The following WDHD1 variants were observed in gnomAD, a reference collection of about 807,000 sequenced individuals.
WDHD1 encodes WD repeat and HMG-box DNA binding protein 1.
In WDHD1, 111 loss-of-function variants were observed where a neutral mutation model predicts 135.4. The ratio of observed to expected loss-of-function variants is 0.82; its 90% CI spans 0.70 to 0.96. The LOEUF (loss-of-function observed/expected upper bound fraction) is 0.96, where lower values mean the gene tolerates loss of function less well. WDHD1 is among the 40% of genes least tolerant of loss of function. The probability of loss-of-function intolerance (pLI) is 0.00; values close to 1 mark genes in which losing one functional copy is unlikely to be tolerated. For synonymous variants in WDHD1, 434 were observed against 439.0 expected, an observed-to-expected ratio of 0.99 and a Z score of 0.14; for missense variants, 1,351 against 1,336.3, an observed-to-expected ratio of 1.01 and a Z score of -0.17.
At chr14:54,963,799 C>CAAAAAA (rs34281869) in intron 18 of WDHD1, among the ~76,000 whole-genome samples, 1 of 83,014 alleles carries the variant, frequency 1.2e-5, no homozygotes, top group Non-Finnish European at 2.4e-5. Flanking sequence ...GACTCTGTCT[C>CAAAAAA]AAAAAAAAAA....
chr14:55,025,358 G>A (rs868021675), intron 2 of WDHD1, among the ~76,000 whole-genome samples: 17 of 151,236 alleles, frequency 1.1e-4, no homozygotes, highest in Middle Eastern at 6.8e-3. Flanking sequence ...AGAGGCTGGC[G>A]GGATCCTCCA....
intron 7 of WDHD1, chr14:55,005,331 G>T: frequency 1.8e-6 from 1 of 557,552 alleles, no homozygotes; most frequent in Non-Finnish European, 3.5e-6. Flanking sequence ...ATAAGAAGCT[G>T]TGGCTCCTAA....
At chr14:55,008,848 T>G in intron 4 of WDHD1, 129 bp from the exon 5 acceptor site, 3 of 653,378 alleles carry the variant, frequency 4.6e-6, no homozygotes. Flanking sequence ...TCACCCAGGC[T>G]GGAGTGCAGT....
rs1237232706 is a variant in WDHD1 at position 55,007,299 on chromosome 14, C to G, written c.581G>C (p.Trp194Ser). The change falls in exon 7 of 26, where the codon TGG (tryptophan) becomes TCG (serine). Residue 194 changes from tryptophan (W) to serine (S), a missense_variant. Physicochemically the swap from Trp to Ser is radical, Grantham distance 177. Around this residue, in one of 2 missense-constraint regions of WDHD1, gnomAD observed 1,330 missense variants for 1,296.1 expected, o/e 1.03. Coordinates refer to ENST00000360586, the MANE Select transcript of WDHD1 (RefSeq NM_007086.4). ...ACTTACCTTCCCACTTTTTGGCTGC[C>G]AAGCAAGTCTGCAGATTGATTTTGC... ...INAKSICRLA[W>S]QPKSGKLLAI... The G allele has an allele frequency of 6.3e-7, 1 of 1,593,468 alleles. No individual in the cohort carries two copies. The highest frequency in any genetic ancestry group is 8.5e-7 in the Non-Finnish European group (1 of 1,174,394).
At chr14:54,943,238 T>C (rs2040866724) in intron 25 of WDHD1, among the ~76,000 whole-genome samples, 1 of 152,218 alleles carries the variant, frequency 6.6e-6, no homozygotes, top group Non-Finnish European at 1.5e-5. Context: ...CCACCTGTCC[T>C]AATTTCCATG....
intron 2 of WDHD1, among the ~76,000 whole-genome samples, chr14:55,019,370 T>C (rs1332270024): frequency 1.3e-5 from 2 of 152,238 alleles, no homozygotes; most frequent in Non-Finnish European, 2.9e-5. Context: ...ATACCTTTGT[T>C]TCAAATTTTC....
At chr14:54,957,914 A>G (rs972923219) in intron 21 of WDHD1, among the ~76,000 whole-genome samples, 11 of 152,288 alleles carry the variant, frequency 7.2e-5, no homozygotes, top group Middle Eastern at 3.4e-3. Context: ...CGTCTGAGCT[A>G]AGGTTAGTAA....
At chr14:55,010,063 C>T (rs1461853345) in intron 4 of WDHD1, among the ~76,000 whole-genome samples, 1 of 152,292 alleles carries the variant, frequency 6.6e-6, no homozygotes, top group East Asian at 1.9e-4. Context: ...AGGTGATCTG[C>T]CTGCCTTGGC....
chr14:55,010,575 C>T (rs1172441173), intron 3 of WDHD1, 115 bp from the exon 4 acceptor site: 1 of 916,460 alleles, frequency 1.1e-6, no homozygotes, highest in East Asian at 3.1e-5. Flanking sequence ...TAGTTCATAT[C>T]AAGAGAAAAA....
chr14:55,001,668 TAAGTG>T (rs1234634598), intron 8 of WDHD1, among the ~76,000 whole-genome samples: 1 of 152,198 alleles, frequency 6.6e-6, no homozygotes, highest in African/African-American at 2.4e-5. Flanking sequence ...AGAAAACTAG[TAAGTG>T]AAGTGAACTT....
chr14:55,013,032 C>G (rs2042196434), intron 3 of WDHD1, among the ~76,000 whole-genome samples: 1 of 151,954 alleles, frequency 6.6e-6, no homozygotes, highest in African/African-American at 2.4e-5. Flanking sequence ...AATTGGTTCA[C>G]CATTCATGTC....
chr14:55,009,721 G>A (rs1420368272), intron 4 of WDHD1, among the ~76,000 whole-genome samples: 3 of 148,810 alleles, frequency 2.0e-5, no homozygotes, highest in Non-Finnish European at 3.0e-5. Flanking sequence ...CATGAGCCAC[G>A]ACGCCAGCCC....
At chr14:54,949,534 C>T in intron 24 of WDHD1, among the ~76,000 whole-genome samples, 1 of 152,044 alleles carries the variant, frequency 6.6e-6, no homozygotes, top group Non-Finnish European at 1.5e-5. Flanking sequence ...GTTTGGTGTA[C>T]CTGAAAGTGA....
intron 7 of WDHD1, chr14:55,005,558 A>C (rs1201128504): frequency 8.3e-6 from 5 of 599,052 alleles, no homozygotes; most frequent in African/African-American, 7.3e-5. Context: ...GTAGATGCCA[A>C]CACTTTTCCT....
chr14:54,981,637 T>G lies in WDHD1; in HGVS notation c.1966A>C (p.Asn656His). ...IVRMLNRGLGNTWTPICNTRE... is the reference protein window; with the variant it reads ...IVRMLNRGLGHTWTPICNTRE... ...GTATTACATATAGGAGTCCACGTATTACCAAGTCCTCTGTTAAGCATTCGA... is the reference window on the plus strand; with the variant it reads ...GTATTACATATAGGAGTCCACGTATGACCAAGTCCTCTGTTAAGCATTCGA... Residue 656 changes from asparagine to histidine, a missense_variant, in exon 16 of 26, where the codon AAT (asparagine) becomes CAT (histidine). This residue lies in a region of WDHD1 where 1,330 missense variants were observed against 1,296.1 expected (regional missense o/e 1.03). Coordinates refer to ENST00000360586, the MANE Select transcript of WDHD1 (RefSeq NM_007086.4). 6.2e-7 allele frequency: 1 copy of G among 1,611,768 alleles called. No individual in the cohort carries two copies. The highest frequency in any genetic ancestry group is 8.5e-7 in the Non-Finnish European group (1 of 1,177,950).
chr14:54,954,035 G>C (rs771948503), intron 24 of WDHD1, among the ~76,000 whole-genome samples: 2 of 151,454 alleles, frequency 1.3e-5, no homozygotes, highest in Non-Finnish European at 2.9e-5. Context: ...GATGAGCACA[G>C]CACACCAACA....
chr14:54,965,553 TCA>T (rs2041326613), intron 18 of WDHD1, among the ~76,000 whole-genome samples: 1 of 152,212 alleles, frequency 6.6e-6, no homozygotes, highest in African/African-American at 2.4e-5. Context: ...GCAGTGGTTC[TCA>T]GTTACCTTGA....
chr14:55,018,463 G>A (rs79758944), intron 2 of WDHD1, among the ~76,000 whole-genome samples: 6 of 152,212 alleles, frequency 3.9e-5, no homozygotes, highest in Admixed American at 2.6e-4. Flanking sequence ...ATTTTTAATT[G>A]TATTAATTTA....
chr14:54,971,198 C>A (rs1455894924), intron 16 of WDHD1, among the ~76,000 whole-genome samples: 1 of 152,178 alleles, frequency 6.6e-6, no homozygotes, highest in East Asian at 1.9e-4. Context: ...ATGACTAAGT[C>A]CACAAAAGCA....
Sources: gnomAD v4.1 joint callset for allele counts (sites outside exome capture counted in the v4.1 genomes callset) on GRCh38, gnomAD v4.1.1 for gene constraint, gnomAD v4.1.1 regional missense constraint, MANE v1.5 for transcripts, NCBI Gene and HGNC (gene_info 2026-07-23, HGNC 2026-07-21) for gene names.